The following ADARB2 variants were observed in gnomAD, a reference collection of about 807,000 sequenced individuals.
ADARB2 encodes inactive double-stranded RNA-specific editase B2.
In ADARB2, 25 loss-of-function variants were observed where a neutral mutation model predicts 62.2. The ratio of observed to expected loss-of-function variants is 0.40; its 90% CI spans 0.29 to 0.56. The LOEUF is 0.56. Ranked by LOEUF, ADARB2 falls within the 20% of genes least tolerant of loss-of-function variation. The pLI, the probability that ADARB2 is intolerant of heterozygous loss-of-function variation, is 0.43. For synonymous variants in ADARB2, 572 were observed against 500.8 expected (o/e 1.14, Z -1.90); for missense variants, 1,071 against 1,077.4 (o/e 0.99, Z 0.08).
At chr10:1,593,525 A>G (rs933575701) in intron 1 of ADARB2, among the ~76,000 whole-genome samples, 5 of 152,266 alleles carry the variant, frequency 3.3e-5, no homozygotes, top group African/African-American at 1.2e-4. Context: ...AAATACAAGC[A>G]ATGACAATTT....
chr10:1,330,848 T>A (rs184610019), intron 3 of ADARB2, among the ~76,000 whole-genome samples: 2 of 152,254 alleles, frequency 1.3e-5, no homozygotes, highest in Non-Finnish European at 2.9e-5. Flanking sequence ...GTAAGTCATA[T>A]ATCTGATGAG....
chr10:1,429,331 TGATGAAA>T (rs1830754207), intron 1 of ADARB2, among the ~76,000 whole-genome samples: 12 of 152,370 alleles, frequency 7.9e-5, no homozygotes, highest in Non-Finnish European at 1.6e-4. Flanking sequence ...CTGTTTTAGC[TGATGAAA>T]TTACATTAAC....
intron 3 of ADARB2, among the ~76,000 whole-genome samples, chr10:1,283,344 A>G (rs1831385934): frequency 6.6e-6 from 1 of 152,248 alleles, no homozygotes; most frequent in Admixed American, 6.5e-5. Context: ...CTTTAGGTGC[A>G]TGTTTTCAAT....
At chr10:1,623,122 A>C in intron 1 of ADARB2, among the ~76,000 whole-genome samples, 1 of 152,180 alleles carries the variant, frequency 6.6e-6, no homozygotes, top group East Asian at 1.9e-4. Flanking sequence ...CAAAAGAGGA[A>C]AATATTTAGA....
chr10:1,295,107 G>A (rs912751111), intron 3 of ADARB2, among the ~76,000 whole-genome samples: 1 of 152,194 alleles, frequency 6.6e-6, no homozygotes, highest in Non-Finnish European at 1.5e-5. Flanking sequence ...TGGAAATGCC[G>A]GTGTTCCAGG....
chr10:1,304,032 T>C (rs1430793668), intron 3 of ADARB2, among the ~76,000 whole-genome samples: 35 of 151,616 alleles, frequency 2.3e-4, no homozygotes, highest in African/African-American at 8.5e-4. Context: ...CACTATTAAC[T>C]TTAAATGTAA....
At chr10:1,585,905 G>A (rs970848682) in intron 1 of ADARB2, among the ~76,000 whole-genome samples, 1 of 152,150 alleles carries the variant, frequency 6.6e-6, no homozygotes, top group Non-Finnish European at 1.5e-5. Context: ...GGGGTGGCGG[G>A]CGGCTGTAGT....
intron 9 of ADARB2, 31 bp downstream of exon 9, chr10:1,184,830 C>T (rs771756112): frequency 6.3e-7 from 1 of 1,599,046 alleles, no homozygotes; most frequent in South Asian, 1.1e-5. Context: ...TGGCTGGGTC[C>T]AGTTTCCCTG....
intron 3 of ADARB2, among the ~76,000 whole-genome samples, chr10:1,347,635 C>T (rs542808593): frequency 3.9e-5 from 6 of 152,192 alleles, no homozygotes; most frequent in Admixed American, 2.0e-4. Flanking sequence ...CAGCTCTTCA[C>T]GCCCATCGGC....
rs966078084 is a variant in ADARB2 at position 1,182,140 on chromosome 10, A to G, written c.*1053T>C. 2.6e-5 allele frequency: 4 copies of G among 152,242 alleles called. No individual in the cohort carries two copies. Among genetic ancestry groups the G allele is most frequent in the Non-Finnish European group, 5.9e-5 (4 of 68,048 alleles). The allele number at this position is 152,242 out of a possible 1,614,324, so 9.4% of individuals were successfully genotyped here. Reference sequence around the variant, plus strand: ...GCTGGTAGCCTCTCAAGCTGAAGGTAAAGGTTGTTTTGATTTTATTTTGTG... The same window carrying G: ...GCTGGTAGCCTCTCAAGCTGAAGGTGAAGGTTGTTTTGATTTTATTTTGTG... On this transcript the variant is annotated 3_prime_UTR_variant, in exon 10 of 10. Coordinates refer to ENST00000381312, the MANE Select transcript of ADARB2 (RefSeq NM_018702.4).
At chr10:1,663,750 T>G (rs4880525) in intron 1 of ADARB2, among the ~76,000 whole-genome samples, 147,873 of 152,074 alleles carry the variant, frequency 0.97, 72,019 homozygotes, top group East Asian at 1. Context: ...CTCCCAAGTA[T>G]CTGGGACTAC....
At chr10:1,213,841 G>A (rs1292117810) in intron 7 of ADARB2, among the ~76,000 whole-genome samples, 3 of 152,360 alleles carry the variant, frequency 2.0e-5, no homozygotes, top group East Asian at 3.9e-4. Context: ...ACCTGCCAGC[G>A]TTGTGTGGGT....
intron 1 of ADARB2, among the ~76,000 whole-genome samples, chr10:1,381,773 G>A (rs1051020213): frequency 1.2e-4 from 19 of 152,194 alleles, no homozygotes; most frequent in South Asian, 2.1e-4. Context: ...TCACTCACAC[G>A]TGGAATCTAA....
At chr10:1,341,273 G>A (rs28377642) in intron 3 of ADARB2, among the ~76,000 whole-genome samples, 10,062 of 139,986 alleles carry the variant, frequency 0.072, 475 homozygotes, top group African/African-American at 0.16. Context: ...GCCCCACAGC[G>A]GCAATAACCA....
chr10:1,483,705 A>T (rs1831504311), intron 1 of ADARB2, among the ~76,000 whole-genome samples: 1 of 64,688 alleles, frequency 1.5e-5, no homozygotes, highest in South Asian at 3.9e-4. Flanking sequence ...TGACGAAGCA[A>T]CTAATGATTT....
intron 1 of ADARB2, among the ~76,000 whole-genome samples, chr10:1,691,500 T>C (rs1834672029): frequency 6.6e-6 from 1 of 152,196 alleles, no homozygotes; most frequent in Non-Finnish European, 1.5e-5. Flanking sequence ...GACTGCTGGC[T>C]ACAGGCTAGG....
At chr10:1,679,084 C>T (rs1041427915) in intron 1 of ADARB2, among the ~76,000 whole-genome samples, 3 of 152,152 alleles carry the variant, frequency 2.0e-5, no homozygotes, top group Non-Finnish European at 4.4e-5. Flanking sequence ...GCCCTGGGCC[C>T]CATTTCCAGA....
At chr10:1,510,138 T>C (rs898162044) in intron 1 of ADARB2, among the ~76,000 whole-genome samples, 18 of 143,634 alleles carry the variant, frequency 1.3e-4, no homozygotes, top group African/African-American at 4.9e-4. Flanking sequence ...CTTTCTTTCT[T>C]TCTTTCTTTC....
At chr10:1,487,122 C>T (rs919952601) in intron 1 of ADARB2, among the ~76,000 whole-genome samples, 1 of 152,178 alleles carries the variant, frequency 6.6e-6, no homozygotes, top group East Asian at 1.9e-4. Flanking sequence ...CTGGGGAGGC[C>T]GGATTTCAGC....
Sources: gnomAD v4.1 joint callset for allele counts (sites outside exome capture counted in the v4.1 genomes callset) on GRCh38, gnomAD v4.1.1 for gene constraint, MANE v1.5 for transcripts, NCBI Gene and HGNC (gene_info 2026-07-23, HGNC 2026-07-21) for gene names.